RABGAP1L: variants seen among roughly 807,000 people sequenced by gnomAD.
RABGAP1L encodes RAB GTPase activating protein 1 like, also known as rab GTPase-activating protein 1-like.
A neutral mutation model predicts 137.7 loss-of-function variants in RABGAP1L; 63 were observed. The observed-to-expected ratio is 0.46, with a 90% CI of 0.37 to 0.56. RABGAP1L has a LOEUF of 0.56. RABGAP1L is among the 20% of genes least tolerant of loss of function. RABGAP1L has a pLI of 0.00. For missense variants in RABGAP1L, 1,095 were observed against 1,244.0 expected (o/e 0.88, Z 1.80); for synonymous variants, 431 against 433.7 (o/e 0.99, Z 0.08).
chr1:174,284,811 C>G (rs1380402803), intron 10 of RABGAP1L, among the ~76,000 whole-genome samples: 1 of 142,528 alleles, frequency 7.0e-6, no homozygotes, highest in Admixed American at 7.3e-5. Context: ...TTTTTTTTCC[C>G]CCAAGATTGC....
intron 13 of RABGAP1L, among the ~76,000 whole-genome samples, chr1:174,438,744 GTATATATATATATATATATA>G (rs71117563): frequency 5.2e-5 from 5 of 95,456 alleles, no homozygotes; most frequent in Non-Finnish European, 9.5e-5. Flanking sequence ...GTGTGTGTGT[GTATATATATATATATATATA>G]TATATATATA....
chr1:174,330,714 A>G (rs1680959839), intron 11 of RABGAP1L, among the ~76,000 whole-genome samples: 2 of 152,228 alleles, frequency 1.3e-5, no homozygotes. Context: ...TGAAAGATAT[A>G]TCATGTTCAT....
At chr1:174,230,776 T>C (rs1372155705) in intron 3 of RABGAP1L, among the ~76,000 whole-genome samples, 1 of 152,230 alleles carries the variant, frequency 6.6e-6, no homozygotes, top group African/African-American at 2.4e-5. Context: ...TGCTTTGGCA[T>C]AGTCAGTTTG....
chr1:174,922,767 T>C (rs926526622), intron 19 of RABGAP1L, among the ~76,000 whole-genome samples: 4 of 152,240 alleles, frequency 2.6e-5, no homozygotes, highest in African/African-American at 9.6e-5. Context: ...GTTAAAAGTG[T>C]GGGCTCTGTC....
At chr1:174,903,624 A>T (rs1658502446) in intron 19 of RABGAP1L, among the ~76,000 whole-genome samples, 1 of 152,224 alleles carries the variant, frequency 6.6e-6, no homozygotes, top group Admixed American at 6.5e-5. Flanking sequence ...ATAAAGCCAT[A>T]TAACACTGGA....
intron 19 of RABGAP1L, among the ~76,000 whole-genome samples, chr1:174,842,696 GGT>G (rs1421271725): frequency 6.6e-6 from 1 of 152,114 alleles, no homozygotes; most frequent in Non-Finnish European, 1.5e-5. Flanking sequence ...GCTGGTACAT[GGT>G]ATGCTCATAA....
chr1:174,581,316 A>C (rs531732804), intron 13 of RABGAP1L, among the ~76,000 whole-genome samples: 1 of 152,350 alleles, frequency 6.6e-6, no homozygotes, highest in East Asian at 1.9e-4. Flanking sequence ...TTCATAGCAC[A>C]TCCAAAACGT....
intron 11 of RABGAP1L, among the ~76,000 whole-genome samples, chr1:174,364,489 C>T (rs969613054): frequency 5.9e-5 from 9 of 151,332 alleles, no homozygotes; most frequent in African/African-American, 9.7e-5. Context: ...CTCCTGACCT[C>T]GTGATCCACC....
chr1:174,826,603 G>A (rs752089624), intron 19 of RABGAP1L, among the ~76,000 whole-genome samples: 7 of 152,186 alleles, frequency 4.6e-5, no homozygotes, highest in Non-Finnish European at 8.8e-5. Flanking sequence ...GCTTTGTGGT[G>A]AACATACAGG....
At chr1:174,768,402 C>A (rs1267058466) in intron 18 of RABGAP1L, among the ~76,000 whole-genome samples, 1 of 152,184 alleles carries the variant, frequency 6.6e-6, no homozygotes, top group African/African-American at 2.4e-5. Context: ...TTAATAAGAT[C>A]TCAGGATTTT....
intron 7 of RABGAP1L, among the ~76,000 whole-genome samples, chr1:174,258,656 G>A (rs1673319367): frequency 6.6e-6 from 1 of 152,138 alleles, no homozygotes; most frequent in African/African-American, 2.4e-5. Context: ...AAAAGCATTG[G>A]TGTGAAAGAA....
chr1:174,405,903 G>T (rs186132962), intron 13 of RABGAP1L, among the ~76,000 whole-genome samples: 1 of 152,028 alleles, frequency 6.6e-6, no homozygotes, highest in East Asian at 1.9e-4. Context: ...ACTTGAGCCC[G>T]GGAGGCAGAG....
At chr1:174,171,529 A>G (rs563218889) in intron 1 of RABGAP1L, among the ~76,000 whole-genome samples, 2 of 152,156 alleles carry the variant, frequency 1.3e-5, no homozygotes, top group East Asian at 3.9e-4. Flanking sequence ...TTTTATATAT[A>G]CTATACAATA....
intron 21 of RABGAP1L, among the ~76,000 whole-genome samples, chr1:174,974,192 G>A (rs187247606): frequency 3.7e-4 from 56 of 151,862 alleles, no homozygotes; most frequent in Non-Finnish European, 5.4e-4. Context: ...GGGTTTCACC[G>A]TGTTAGCCAG....
At chr1:174,670,641 A>C (rs1024539082) in intron 14 of RABGAP1L, among the ~76,000 whole-genome samples, 5 of 152,152 alleles carry the variant, frequency 3.3e-5, no homozygotes, top group African/African-American at 1.2e-4. Flanking sequence ...AATAAGTGAG[A>C]AAATGTGATG....
Position 174,824,782 on chromosome 1 carries a change from C to T in RABGAP1L, c.2340+12822C>T, listed in dbSNP as rs140869788. Among the ~76,000 whole-genome samples, 111 of 152,062 alleles carry T rather than the reference C, an allele frequency of 7.3e-4. 1 individual carries two copies. The highest frequency in any genetic ancestry group is 2.5e-3 in the African/African-American group (103 of 41,476). On this transcript the variant is annotated intron_variant, in intron 19 of 25. Transcript: ENST00000681986. ...TTATTTCACTCTTGGGCCTTTTTCT[C>T]TCCTCCTCTCTCCCCTACTGTTCCT... is the stretch of plus-strand genomic sequence containing the variant.
intron 14 of RABGAP1L, among the ~76,000 whole-genome samples, chr1:174,641,454 G>A (rs905829894): frequency 6.6e-6 from 1 of 152,124 alleles, no homozygotes; most frequent in Non-Finnish European, 1.5e-5. Context: ...TTCTGCAGAT[G>A]AAGAGGTTTG....
At chr1:174,741,996 A>G (rs1222204569) in intron 17 of RABGAP1L, among the ~76,000 whole-genome samples, 1 of 146,108 alleles carries the variant, frequency 6.8e-6, no homozygotes, top group East Asian at 2.1e-4. Flanking sequence ...CCATGATAGC[A>G]CTACTATGCT....
At chr1:174,537,424 G>T (rs890286858) in intron 13 of RABGAP1L, among the ~76,000 whole-genome samples, 1 of 152,138 alleles carries the variant, frequency 6.6e-6, no homozygotes, top group Non-Finnish European at 1.5e-5. Context: ...TTATCCTACT[G>T]CTACTAAGAA....
Sources: gnomAD v4.1 joint callset for allele counts (sites outside exome capture counted in the v4.1 genomes callset) on GRCh38, gnomAD v4.1.1 for gene constraint, MANE v1.5 for transcripts, NCBI Gene and HGNC (gene_info 2026-07-23, HGNC 2026-07-21) for gene names.